Variants in SBF1 observed in about 807,000 individuals in gnomAD.
The protein encoded by SBF1 is SET binding factor 1.
In SBF1, 65 loss-of-function variants were observed where a neutral mutation model predicts 215.8. That is an observed-to-expected ratio of 0.30 (90% CI 0.25 to 0.37). The LOEUF is 0.37. Among genes scored for constraint, SBF1 ranks in the 10% least tolerant of loss-of-function variants. The pLI is 1.00. For missense variants in SBF1, 2,634 were observed against 2,667.8 expected (o/e 0.99, Z 0.28); for synonymous variants, 1,410 against 1,122.8 (o/e 1.26, Z -5.11).
chr22:50,473,755 C>T (rs1447013491), intron 1 of SBF1, among the ~76,000 whole-genome samples: 1 of 152,196 alleles, frequency 6.6e-6, no homozygotes, highest in Non-Finnish European at 1.5e-5. Context: ...GGCTCAAGAT[C>T]CAGCCCCTGC....
At position 50,466,418 on chromosome 22, in the gene SBF1, G is replaced by A. The variant is rs1400589054; in HGVS notation, c.720C>T (p.Ser240=). 3 of 1,552,992 alleles carry A rather than the reference G, an allele frequency of 1.9e-6. No homozygotes were observed. Among genetic ancestry groups the A allele is most frequent in the Non-Finnish European group, 2.6e-6 (3 of 1,147,792 alleles). Residue 240 remains serine, a synonymous_variant, in exon 7 of 41, where the codon TCC becomes TCT. Coordinates refer to ENST00000380817, the MANE Select transcript of SBF1 (RefSeq NM_002972.4). ...ALTEHKVLFL[S]RSYQRLADAC... ...CATCGGCGAGCCGCTGGTAGCTCCG[G>A]GACAGGAAGAGAACCTTGTGCTCCG...
intron 36 of SBF1, among the ~76,000 whole-genome samples, chr22:50,448,944 A>T (rs2066940148): frequency 6.6e-6 from 1 of 152,210 alleles, no homozygotes; most frequent in Non-Finnish European, 1.5e-5. Flanking sequence ...GTGGTGGCTC[A>T]CGCCTGTAAT....
rs1490675948 is a variant in SBF1 at position 50,461,217 on chromosome 22, T to G, written c.2909A>C (p.Gln970Pro). The stretch of plus-strand genomic sequence containing the variant: ...CTGCAGGAGCTGGTCCACAGGGGTC[T>G]GGACGCTGATGCGCTTCTCCTTGGT... ...ALTKEKRISVQTPVDQLLQDG... is the reference protein window; with the variant it reads ...ALTKEKRISVPTPVDQLLQDG... Residue 970 changes from glutamine to proline, a missense_variant, in exon 23 of 41, where the codon CAG becomes CCG. Coordinates refer to ENST00000380817, the MANE Select transcript of SBF1 (RefSeq NM_002972.4). The G allele has an allele frequency of 6.2e-7, 1 of 1,612,808 alleles. No individual in the cohort carries two copies. Among genetic ancestry groups the G allele is most frequent in the Middle Eastern group, 1.8e-4 (1 of 5,566 alleles).
chr22:50,456,203 G>C lies in SBF1; in HGVS notation c.4266+13C>G. On this transcript the variant is annotated intron_variant, in intron 31 of 40. Coordinates refer to ENST00000380817, the MANE Select transcript of SBF1 (RefSeq NM_002972.4). ...GCACCAAGGCGGGCAGAGGGACGGG[G>C]CAGTGCAGAGACCTGGATCAGCCAC... The C allele has an allele frequency of 6.2e-7, 1 of 1,610,568 alleles. No homozygotes were observed. The highest frequency in any genetic ancestry group is 8.5e-7 in the Non-Finnish European group (1 of 1,179,320).
chr22:50,456,085 G>C, intron 31 of SBF1, 131 bp downstream of exon 31: 2 of 980,610 alleles, frequency 2.0e-6, no homozygotes, highest in South Asian at 3.5e-5. Flanking sequence ...GCCTGGGTGG[G>C]AAGTGGCTGT....
Position 50,455,319 on chromosome 22 carries a change from C to T in SBF1, c.4459G>A (p.Gly1487Ser), listed in dbSNP as rs1327484324. 50 of 1,613,302 alleles carry T rather than the reference C, an allele frequency of 3.1e-5. No individual in the cohort carries two copies. The highest frequency in any genetic ancestry group is 3.8e-5 in the Non-Finnish European group (45 of 1,179,950). ...LLVEKEWLSFGHRFSHRGAHT... is the reference protein window; with the variant it reads ...LLVEKEWLSFSHRFSHRGAHT... The stretch of plus-strand genomic sequence containing the variant: ...GCTCCACGGTGGCTGAAGCGATGGC[C>T]GAAGGACAGCCACTCCTTCTCCACC... The change falls in exon 33 of 41, where the codon GGC (glycine) becomes AGC (serine). Residue 1487 changes from glycine (G) to serine (S), a missense_variant. Physicochemically the swap from Gly to Ser is moderately conservative, Grantham distance 56. Transcript: ENST00000380817.
At chr22:50,468,058 G>A in intron 2 of SBF1, 135 bp from the exon 3 acceptor site, 3 of 1,137,036 alleles carry the variant, frequency 2.6e-6, no homozygotes, top group Non-Finnish European at 3.7e-6. Context: ...AGACCCTGGG[G>A]ACACGTGGCC....
chr22:50,466,557 A>G (rs775670481), intron 6 of SBF1, 48 bp downstream of exon 6: 46 of 1,528,584 alleles, frequency 3.0e-5, no homozygotes, highest in Non-Finnish European at 3.9e-5. Flanking sequence ...ATCCCTAACT[A>G]CCAGTCCCCG....
At position 50,462,106 on chromosome 22, in the gene SBF1, C is replaced by T; in HGVS notation, c.2410G>A (p.Val804Met). Reference sequence around the variant, plus strand: ...CTCTCCGTGTCATAGCTCTCGGCCACACTGCCAGCCATGCTGGGCCAGAGA... The same window carrying T: ...CTCTCCGTGTCATAGCTCTCGGCCATACTGCCAGCCATGCTGGGCCAGAGA... ...SLVTNSMAGS[V>M]AESYDTESGF... The change falls in exon 20 of 41, where the codon GTG (valine) becomes ATG (methionine). Residue 804 changes from valine (V) to methionine (M), a missense_variant. Val to Met is a conservative substitution (Grantham distance 21). Transcript: ENST00000380817. The T allele has an allele frequency of 6.2e-7, 1 of 1,613,594 alleles. No individual in the cohort carries two copies.
intron 28 of SBF1, 120 bp downstream of exon 28, chr22:50,459,135 A>C: frequency 7.2e-7 from 1 of 1,389,970 alleles, no homozygotes; most frequent in East Asian, 2.5e-5. Flanking sequence ...CTCATCCCAC[A>C]CCCAAACATC....
intron 18 of SBF1, 26 bp from the exon 19 acceptor site, chr22:50,462,499 C>T (rs771208386): frequency 8.1e-6 from 13 of 1,611,922 alleles, no homozygotes; most frequent in East Asian, 6.7e-5. Flanking sequence ...ACGCATGAGC[C>T]GGGGCCACGC....
chr22:50,449,656 A>ACACACACACACAC (rs1026571113), intron 36 of SBF1, among the ~76,000 whole-genome samples: 126 of 148,448 alleles, frequency 8.5e-4, no homozygotes, highest in African/African-American at 2.8e-3. Flanking sequence ...ACACACACAC[A>ACACACACACACAC]CCCCAAAATG....
In SBF1 at chr22:50,464,321, G is replaced by A. The variant is rs1369546009; in HGVS notation, c.1749+8C>T. 5.0e-6 allele frequency: 8 copies of A among 1,608,962 alleles called. No homozygotes were observed. The highest frequency in any genetic ancestry group is 6.8e-6 in the Non-Finnish European group (8 of 1,176,196). Reference sequence around the variant, plus strand: ...CCCTGGCCCGGCTGGAGCCTGCACAGCCCTCACCTTCTTGGCCTCAAGCAT... The same window carrying A: ...CCCTGGCCCGGCTGGAGCCTGCACAACCCTCACCTTCTTGGCCTCAAGCAT... On this transcript the variant is annotated splice_region_variant and intron_variant, in intron 15 of 40. Coordinates refer to ENST00000380817, the MANE Select transcript of SBF1 (RefSeq NM_002972.4).
intron 31 of SBF1, 113 bp from the exon 32 acceptor site, chr22:50,455,695 C>T (rs940617248): frequency 4.7e-6 from 4 of 853,780 alleles, no homozygotes; most frequent in Middle Eastern, 2.8e-4. Context: ...GCCCTGTCCA[C>T]AGCCCCCCAA....
At position 50,461,818 on chromosome 22, in the gene SBF1, C is replaced by A. The variant is rs370650062; in HGVS notation, c.2621G>T (p.Arg874Leu). The change falls in exon 21 of 41, where the codon CGG becomes CTG. Residue 874 changes from arginine (R) to leucine (L), a missense_variant. Coordinates refer to ENST00000380817, the MANE Select transcript of SBF1 (RefSeq NM_002972.4). ...AACCTTCTGGATGGGCGGCAGCCTC[C>A]GGCTCTCCCGCTGCACGGCCTCCAG... ...ETLEAVQRES[R>L]RLPPIQKPKL... is the part of the protein sequence containing the mutation. 6.2e-7 allele frequency: 1 copy of A among 1,613,594 alleles called. No homozygotes were observed. The highest frequency in any genetic ancestry group is 8.5e-7 in the Non-Finnish European group (1 of 1,180,008).
chr22:50,466,804 C>T (rs1490923551), intron 5 of SBF1, 94 bp from the exon 6 acceptor site: 2 of 852,200 alleles, frequency 2.3e-6, no homozygotes, highest in African/African-American at 1.7e-5. Context: ...CCCTGGTGTA[C>T]TGACAGACCC....
Position 50,455,240 on chromosome 22 carries a change from A to G in SBF1, c.4538T>C (p.Leu1513Pro). ...CCTGCCCACCTGGTGTACGCAGTCC[A>G]GGAACTGCAGGAAGACGGGTGTGAA... The part of the protein sequence containing the change: ...SGFTPVFLQF[L>P]DCVHQVHLQF... Residue 1513 changes from leucine (L) to proline (P), a missense_variant, in exon 33 of 41, where the codon CTG (leucine) becomes CCG (proline). Transcript: ENST00000380817. 1 of 1,613,052 alleles carries G rather than the reference A, an allele frequency of 6.2e-7. No individual in the cohort carries two copies. Among genetic ancestry groups the G allele is most frequent in the Non-Finnish European group, 8.5e-7 (1 of 1,179,610 alleles).
chr22:50,456,888 C>A (rs893979057), intron 29 of SBF1, 146 bp downstream of exon 29: 8 of 752,382 alleles, frequency 1.1e-5, no homozygotes, highest in Non-Finnish European at 1.6e-5. Flanking sequence ...ACTCACGGGT[C>A]AGGGAGGTAA....
chr22:50,462,980 A>G (rs773439854), intron 16 of SBF1, 42 bp from the exon 17 acceptor site: 5 of 1,566,632 alleles, frequency 3.2e-6, no homozygotes, highest in Non-Finnish European at 4.3e-6. Flanking sequence ...CTCCCCTCCC[A>G]GGCAGCACTC....
Sources: allele counts gnomAD v4.1 joint callset (sites outside exome capture counted in the v4.1 genomes callset), GRCh38; gene constraint gnomAD v4.1.1; transcripts MANE v1.5; gene names NCBI Gene and HGNC (gene_info 2026-07-23, HGNC 2026-07-21).